The following ROR2 variants were observed in gnomAD, a reference collection of about 807,000 sequenced individuals.
ROR2 encodes ROR family WNT receptor 2, also known as tyrosine-protein kinase transmembrane receptor ROR2.
Under a neutral mutation model 74.9 loss-of-function variants are expected in ROR2, and 33 were observed. The ratio of observed to expected loss-of-function variants is 0.44; its 90% CI spans 0.33 to 0.59. The LOEUF (loss-of-function observed/expected upper bound fraction) is 0.59. Among genes scored for constraint, ROR2 ranks in the 20% least tolerant of loss-of-function variants. The pLI is 0.02. For missense variants in ROR2, 1,216 were observed against 1,313.8 expected, an observed-to-expected ratio of 0.93 and a Z score of 1.15; for synonymous variants, 586 against 558.7, an observed-to-expected ratio of 1.05 and a Z score of -0.69.
At chr9:91,839,684 GGT>G (rs751606989) in intron 1 of ROR2, among the ~76,000 whole-genome samples, 5 of 149,332 alleles carry the variant, frequency 3.3e-5, no homozygotes, top group African/African-American at 1.2e-4. Flanking sequence ...ATATGGTGTG[GGT>G]GTGTGTGTGT....
rs1400068781 is a variant in ROR2, at chr9:91,851,156, T to A, written c.98-75338A>T. Among the ~76,000 whole-genome samples the A allele has an allele frequency of 2.0e-5, 3 of 151,840 alleles. No homozygotes were observed. In the East Asian group the frequency reaches 5.9e-4, roughly 30 times the overall value. On this transcript the variant is annotated intron_variant, in intron 1 of 8. Coordinates refer to ENST00000375708, the MANE Select transcript of ROR2 (RefSeq NM_004560.4). Reference sequence around the variant, plus strand: ...TCAAGAGGTCAGGAGATCGAGACCATCCAGGCTAACACGTTGAAACTCCAT... The same window carrying A: ...TCAAGAGGTCAGGAGATCGAGACCAACCAGGCTAACACGTTGAAACTCCAT...
chr9:91,871,775 G>C (rs1413458697), intron 1 of ROR2, among the ~76,000 whole-genome samples: 1 of 152,088 alleles, frequency 6.6e-6, no homozygotes, highest in South Asian at 2.1e-4. Context: ...TTGGAACCCA[G>C]CCACCATGCT....
chr9:91,786,158 CAA>C (rs35972600), intron 1 of ROR2, among the ~76,000 whole-genome samples: 19 of 56,540 alleles, frequency 3.4e-4, no homozygotes, highest in African/African-American at 1.4e-3. Flanking sequence ...CTGTTTCTAC[CAA>C]AAAAAAAAAA....
intron 2 of ROR2, among the ~76,000 whole-genome samples, chr9:91,767,367 C>A (rs963117186): frequency 2.0e-5 from 3 of 152,198 alleles, no homozygotes; most frequent in Non-Finnish European, 4.4e-5. Context: ...GCCACCATGT[C>A]CAGCCGACTT....
At chr9:91,888,395 T>C (rs1205035981) in intron 1 of ROR2, among the ~76,000 whole-genome samples, 2 of 152,172 alleles carry the variant, frequency 1.3e-5, no homozygotes, top group Non-Finnish European at 2.9e-5. Flanking sequence ...AGGACGCAGA[T>C]GCAGGAACAC....
intron 1 of ROR2, among the ~76,000 whole-genome samples, chr9:91,867,310 A>G (rs12552858): frequency 0.25 from 37,786 of 152,008 alleles, 5,138 homozygotes; most frequent in Admixed American, 0.42. Flanking sequence ...ATTCTCTTGC[A>G]CTCCAGTCCC....
At chr9:91,945,464 T>C (rs181409612) in intron 1 of ROR2, among the ~76,000 whole-genome samples, 1 of 152,336 alleles carries the variant, frequency 6.6e-6, no homozygotes, top group East Asian at 1.9e-4. Context: ...CACATTCTCC[T>C]CTGATAACAT....
At position 91,805,968 on chromosome 9, in the gene ROR2, G is replaced by C. The variant is rs571207504; in HGVS notation, c.98-30150C>G. On this transcript the variant is annotated intron_variant, in intron 1 of 8. Transcript: ENST00000375708. ...CCTCAGTAAGTATATTCGGGCAGTT[G>C]AGGGGCACTTGAGGATTCAGTGCAA... 5.9e-5 allele frequency among the ~76,000 whole-genome samples: 9 copies of C among 152,324 alleles called. No individual in the cohort carries two copies. The East Asian group carries it at 1.7e-3, about 29-fold the overall frequency.
Position 91,724,316 on chromosome 9 carries a change from G to C in ROR2, c.2178C>G (p.Ile726Met). 1 of 1,613,186 alleles carries C rather than the reference G, an allele frequency of 6.2e-7. No individual in the cohort carries two copies. The highest frequency in any genetic ancestry group is 1.1e-5 in the South Asian group (1 of 91,084). The change falls in exon 9 of 9, where the codon ATC becomes ATG. Residue 726 changes from isoleucine to methionine, a missense_variant. Physicochemically the swap from Ile to Met is conservative, Grantham distance 10. Coordinates refer to ENST00000375708, the MANE Select transcript of ROR2 (RefSeq NM_004560.4). ...DCPAWVYALM[I>M]ECWNEFPSRR... ...GGCTGGGGAACTCGTTCCAGCACTC[G>C]ATCATGAGGGCATACACCCAGGCGG...
chr9:91,834,073 A>C (rs1828545577), intron 1 of ROR2, among the ~76,000 whole-genome samples: 1 of 152,164 alleles, frequency 6.6e-6, no homozygotes, highest in Non-Finnish European at 1.5e-5. Context: ...TCCAGCTGAC[A>C]AATGGAAAGT....
At chr9:91,907,273 C>T (rs534304947) in intron 1 of ROR2, among the ~76,000 whole-genome samples, 3 of 152,256 alleles carry the variant, frequency 2.0e-5, no homozygotes, top group African/African-American at 7.2e-5. Flanking sequence ...AGCCCCCAGA[C>T]TCCTCCTCAC....
At position 91,908,264 on chromosome 9, in the gene ROR2, T is replaced by G. The variant is rs527981675; in HGVS notation, c.97+41603A>C. Among the ~76,000 whole-genome samples, 4 of 152,364 alleles carry G rather than the reference T, an allele frequency of 2.6e-5. No individual in the cohort carries two copies. The East Asian group carries it at 7.7e-4, about 29-fold the overall frequency. ...AATGGGACACGTTTGTATTTAAAGCTGTGCCTGGGGCACCCGCAGCACATC... is the reference window on the plus strand; with the variant it reads ...AATGGGACACGTTTGTATTTAAAGCGGTGCCTGGGGCACCCGCAGCACATC... On this transcript the variant is annotated intron_variant, in intron 1 of 8. Coordinates refer to ENST00000375708, the MANE Select transcript of ROR2 (RefSeq NM_004560.4).
At chr9:91,757,708 T>C (rs1825804790) in intron 2 of ROR2, 149 bp from the exon 3 acceptor site, 1 of 832,228 alleles carries the variant, frequency 1.2e-6, no homozygotes, top group Admixed American at 2.2e-5. Context: ...AATTATCTTC[T>C]AGAAAGCTAC....
intron 1 of ROR2, among the ~76,000 whole-genome samples, chr9:91,844,019 C>A (rs558214959): frequency 1.3e-5 from 2 of 152,352 alleles, no homozygotes; most frequent in East Asian, 3.9e-4. Flanking sequence ...CGTCCCCACA[C>A]TCTCCTTCTA....
At position 91,855,917 on chromosome 9, in the gene ROR2, C is replaced by T. The variant is rs576952900; in HGVS notation, c.98-80099G>A. ...CCGCACCACCAGAATGATCCTGGGG[C>T]TCTGGGTTCCAGGAGCCCCCAGTGA... On this transcript the variant is annotated intron_variant, in intron 1 of 8. Transcript: ENST00000375708. 5.3e-5 allele frequency among the ~76,000 whole-genome samples: 8 copies of T among 152,186 alleles called. No homozygotes were observed. In the East Asian group the frequency reaches 1.6e-3, roughly 30 times the overall value.
chr9:91,787,179 T>C (rs953859810), intron 1 of ROR2, among the ~76,000 whole-genome samples: 3 of 152,214 alleles, frequency 2.0e-5, no homozygotes, highest in Admixed American at 2.0e-4. Context: ...TATACAATTA[T>C]ACTGGCTCAG....
rs1039521227 is a variant in ROR2, at chr9:91,914,271, T to A, written c.97+35596A>T. On this transcript the variant is annotated intron_variant, in intron 1 of 8. Transcript: ENST00000375708. ...CCCAGCCAAGCATAACGTGGCCATA[T>A]TTCAAATGTGCAGAGTTTAAACCTC... 3.3e-5 allele frequency among the ~76,000 whole-genome samples: 5 copies of A among 152,308 alleles called. No homozygotes were observed. In the South Asian group the frequency reaches 1.0e-3, roughly 32 times the overall value.
intron 1 of ROR2, among the ~76,000 whole-genome samples, chr9:91,783,685 C>T (rs1362875956): frequency 2.0e-5 from 3 of 152,204 alleles, no homozygotes; most frequent in Non-Finnish European, 4.4e-5. Context: ...ATTTCTTTTT[C>T]TCATAATATT....
chr9:91,798,250 A>T (rs1434031207), intron 1 of ROR2, among the ~76,000 whole-genome samples: 6 of 67,452 alleles, frequency 8.9e-5, no homozygotes, highest in East Asian at 1.0e-3. Flanking sequence ...GACACCCTGC[A>T]TTCTGTGGGC....
Sources: gnomAD v4.1 joint callset for allele counts (sites outside exome capture counted in the v4.1 genomes callset) on GRCh38, gnomAD v4.1.1 for gene constraint, MANE v1.5 for transcripts, NCBI Gene and HGNC (gene_info 2026-07-23, HGNC 2026-07-21) for gene names.